DIP2A: variants seen among roughly 807,000 people sequenced by gnomAD.
DIP2A encodes the protein DIP2 acetate--CoA ligase A.
A neutral mutation model predicts 177.4 loss-of-function variants in DIP2A; 85 were observed. The ratio of observed to expected loss-of-function variants is 0.48; its 90% CI spans 0.40 to 0.57. The LOEUF (loss-of-function observed/expected upper bound fraction) is 0.57. Ranked by LOEUF, DIP2A falls within the 20% of genes least tolerant of loss-of-function variation. The probability of loss-of-function intolerance (pLI) is 0.00; values close to 1 mark genes in which losing one functional copy is unlikely to be tolerated. For synonymous variants in DIP2A, 886 were observed against 881.8 expected, an observed-to-expected ratio of 1.00 and a Z score of -0.08; for missense variants, 1,791 against 2,100.2, an observed-to-expected ratio of 0.85 and a Z score of 2.88.
chr21:46,582,676 A>T, the DIP2A span, among the ~76,000 whole-genome samples: 1 of 151,602 alleles, frequency 6.6e-6, no homozygotes, highest in East Asian at 2.0e-4. Context: ...TGGGTACCTC[A>T]GCTGAAGGTG....
In DIP2A at chr21:46,523,242, A is replaced by G. The variant is rs182076436; in HGVS notation, c.1103-5850A>G. 5.5e-5 allele frequency among the ~76,000 whole-genome samples: 8 copies of G among 144,848 alleles called. No individual in the cohort carries two copies. In the East Asian group the frequency reaches 1.5e-3, roughly 26 times the overall value. Reference sequence around the variant, plus strand: ...TGCCTAGCTTCTTATTTATTTATTTATTTATTTTTTGAGATGGAGTCTGGC... The same window carrying G: ...TGCCTAGCTTCTTATTTATTTATTTGTTTATTTTTTGAGATGGAGTCTGGC... On this transcript the variant is annotated intron_variant, in intron 8 of 37. Coordinates refer to ENST00000417564, the MANE Select transcript of DIP2A (RefSeq NM_015151.4).
chr21:46,493,423 A>T (rs2057133840), intron 3 of DIP2A, among the ~76,000 whole-genome samples: 1 of 152,060 alleles, frequency 6.6e-6, no homozygotes, highest in African/African-American at 2.4e-5. Context: ...TCTTTTCGTG[A>T]GTGCCTTTTT....
chr21:46,475,948 A>G (rs993671817), intron 1 of DIP2A, among the ~76,000 whole-genome samples: 14 of 152,266 alleles, frequency 9.2e-5, no homozygotes, highest in Non-Finnish European at 1.8e-4. Flanking sequence ...AAAAATTATG[A>G]TGATTGGCTG....
In DIP2A at chr21:46,498,900, G is replaced by C; in HGVS notation, c.655+67G>C. The C allele has an allele frequency of 6.7e-7, 1 of 1,489,440 alleles. No homozygotes were observed. Among genetic ancestry groups the C allele is most frequent in the East Asian group, 2.4e-5 (1 of 42,310 alleles). 92.3% of individuals were successfully genotyped at this position (1,489,440 alleles called of 1,614,324 possible). A position where few individuals can be genotyped will look rare whatever the true frequency, so the allele number is the denominator to read the frequency against. On this transcript the variant is annotated intron_variant, in intron 5 of 37. Transcript: ENST00000417564. The surrounding 1 kb of genome is among the most constrained non-coding windows in gnomAD (Gnocchi z 4.3). ...GGTCAGGAGTGTCCAGGACAGAGGA[G>C]CAGATGGAGGGCACCTGAGCCAGGC...
At chr21:46,503,611 CCTTTCTTT>C (rs779856854) in intron 5 of DIP2A, among the ~76,000 whole-genome samples, 28,331 of 128,052 alleles carry the variant, frequency 0.22, 3,672 homozygotes, top group East Asian at 0.34. Context: ...TTCCTTCCTT[CCTTTCTTT>C]CTTTCTTTCT....
rs1214041146 is a variant in DIP2A, at chr21:46,567,472, G to C, written c.4566G>C (p.Leu1522=). ...TGGCCCTGGTGACCAACGTGGTGCT[G>C]GAGGAGCACTACCTGGTCGTGGGAG... is the stretch of plus-strand genomic sequence containing the variant. ...DLVALVTNVV[L]EEHYLVVGVV... The change falls in exon 38 of 38, where the codon CTG becomes CTC. Residue 1522 remains leucine, a synonymous_variant. Transcript: ENST00000417564. 5 of 1,614,014 alleles carry C rather than the reference G, an allele frequency of 3.1e-6. No individual in the cohort carries two copies. The highest frequency in any genetic ancestry group is 1.6e-4 in the Middle Eastern group (1 of 6,062).
intron 8 of DIP2A, among the ~76,000 whole-genome samples, chr21:46,519,867 T>C (rs1233820416): frequency 1.9e-3 from 121 of 62,462 alleles, no homozygotes; most frequent in Non-Finnish European, 3.8e-3. Flanking sequence ...TTTTTTTTTT[T>C]TTTTTTTTTT....
At chr21:46,499,780 A>G (rs1907989529) in intron 5 of DIP2A, among the ~76,000 whole-genome samples, 1 of 152,184 alleles carries the variant, frequency 6.6e-6, no homozygotes, top group African/African-American at 2.4e-5. Context: ...ATTGTTGAAG[A>G]CTCATCTTAA....
chr21:46,511,512 T>G lies in DIP2A; in HGVS notation c.1000T>G (p.Ser334Ala), dbSNP rs768071562. 6 of 1,612,934 alleles carry G rather than the reference T, an allele frequency of 3.7e-6. No homozygotes were observed. The East Asian group carries it at 1.3e-4, about 36-fold the overall frequency. The change falls in exon 8 of 38, where the codon TCG becomes GCG. Residue 334 changes from serine (S) to alanine (A), a missense_variant. Physicochemically the swap from Ser to Ala is moderately conservative, Grantham distance 99. Transcript: ENST00000417564. ...PLTAGVPRPP[S>A]LLATLQRWGT... ...CACTGCAGGTGTCCCCCGACCGCCG[T>G]CGCTGTTGGCCACCTTGCAGCGCTG...
At chr21:46,560,910 C>T (rs1032665246) in intron 33 of DIP2A, 127 bp downstream of exon 33, 6 of 1,487,632 alleles carry the variant, frequency 4.0e-6, no homozygotes, top group African/African-American at 2.8e-5. Context: ...TCAGGCCTAC[C>T]GGGACACCTG....
At chr21:46,472,604 G>A (rs1601368194) in intron 1 of DIP2A, among the ~76,000 whole-genome samples, 1 of 152,334 alleles carries the variant, frequency 6.6e-6, no homozygotes, top group East Asian at 1.9e-4. Flanking sequence ...GAGGAGCGGG[G>A]ATGGACATGA....
intron 11 of DIP2A, 23 bp from the exon 12 acceptor site, chr21:46,533,981 T>G: frequency 6.2e-7 from 1 of 1,600,724 alleles, no homozygotes; most frequent in African/African-American, 1.3e-5. Flanking sequence ...CTTGCTGTTC[T>G]GTGTCCTGTC....
intron 8 of DIP2A, among the ~76,000 whole-genome samples, chr21:46,526,397 CT>C (rs1357295827): frequency 1.2e-3 from 162 of 138,958 alleles, no homozygotes; most frequent in African/African-American, 2.5e-3. Flanking sequence ...ACGTTCATTC[CT>C]TTTTTTTTTT....
In DIP2A at chr21:46,537,449, G is replaced by A. The variant is rs376595308; in HGVS notation, c.1711G>A (p.Val571Ile). ...AAGCATGTGTGCTCCCCCACAGAGCGTCATGAACAGGATGCACGTGGTCAG... is the reference window on the plus strand; with the variant it reads ...AAGCATGTGTGCTCCCCCACAGAGCATCATGAACAGGATGCACGTGGTCAG... ...AGLWHGVLTS[V>I]MNRMHVVSVP... is the part of the protein sequence containing the mutation. The change falls in exon 15 of 38, where the codon GTC becomes ATC. Residue 571 changes from valine (V) to isoleucine (I), a missense_variant. Val to Ile is a conservative substitution (Grantham distance 29). Coordinates refer to ENST00000417564, the MANE Select transcript of DIP2A (RefSeq NM_015151.4). The surrounding 1 kb of genome is among the most constrained non-coding windows in gnomAD (Gnocchi z 4.1). The A allele has an allele frequency of 2.2e-5, 35 of 1,614,028 alleles. No homozygotes were observed. Among genetic ancestry groups the A allele is most frequent in the East Asian group, 1.1e-4 (5 of 44,886 alleles).
At chr21:46,483,572 CTCT>C (rs766219646) in intron 1 of DIP2A, among the ~76,000 whole-genome samples, 1 of 152,340 alleles carries the variant, frequency 6.6e-6, no homozygotes, top group East Asian at 1.9e-4. Context: ...GTGGCTCAGG[CTCT>C]TCTTCTGTAG....
In DIP2A at chr21:46,567,404, G is replaced by T; in HGVS notation, c.4498G>T (p.Val1500Leu). The T allele has an allele frequency of 6.2e-7, 1 of 1,613,908 alleles. No individual in the cohort carries two copies. The highest frequency in any genetic ancestry group is 8.5e-7 in the Non-Finnish European group (1 of 1,179,852). The change falls in exon 38 of 38, where the codon GTG becomes TTG. Residue 1500 changes from valine to leucine, a missense_variant. Transcript: ENST00000417564. Reference sequence around the variant, plus strand: ...CACCTGGACCAACCTGCTGGTGGTGGTGGTGGAGCTGGATGGGCTAGAGCA... The same window carrying T: ...CACCTGGACCAACCTGCTGGTGGTGTTGGTGGAGCTGGATGGGCTAGAGCA... ...VFTWTNLLVVVVELDGLEQDA... is the reference protein window; with the variant it reads ...VFTWTNLLVVLVELDGLEQDA...
chr21:46,484,046 T>C (rs2056528571), intron 1 of DIP2A, among the ~76,000 whole-genome samples: 1 of 152,198 alleles, frequency 6.6e-6, no homozygotes, highest in South Asian at 2.1e-4. Flanking sequence ...GATAATTTAC[T>C]GGAACAGCCG....
Position 46,481,827 on chromosome 21 carries a change from G to C in DIP2A, c.92-2930G>C, listed in dbSNP as rs147203188. On this transcript the variant is annotated intron_variant, in intron 1 of 37. Coordinates refer to ENST00000417564, the MANE Select transcript of DIP2A (RefSeq NM_015151.4). ...GCACTTTGGGAGGCTGAGACGGGTGGATCACTTGAGGTCAGGAGTTCTAGA... is the reference window on the plus strand; with the variant it reads ...GCACTTTGGGAGGCTGAGACGGGTGCATCACTTGAGGTCAGGAGTTCTAGA... 5.6e-3 allele frequency among the ~76,000 whole-genome samples: 850 copies of C among 152,264 alleles called. 9 individuals carry two copies. Among genetic ancestry groups the C allele is most frequent in the African/African-American group, 0.019 (810 of 41,542 alleles).
At chr21:46,516,749 T>C (rs1415706654) in intron 8 of DIP2A, among the ~76,000 whole-genome samples, 1 of 152,010 alleles carries the variant, frequency 6.6e-6, no homozygotes, top group East Asian at 1.9e-4. Context: ...TGCCTCGGCC[T>C]CCCAAAGTGC....
Sources: gnomAD v4.1 joint callset for allele counts (sites outside exome capture counted in the v4.1 genomes callset) on GRCh38, gnomAD v4.1.1 for gene constraint, Gnocchi (gnomAD v3.1) non-coding constraint, MANE v1.5 for transcripts, NCBI Gene and HGNC (gene_info 2026-07-23, HGNC 2026-07-21) for gene names.